The following LYZL4 variants were observed in gnomAD, a reference collection of about 807,000 sequenced individuals.
LYZL4 encodes lysozyme like 4.
Under a neutral mutation model 17.6 loss-of-function variants are expected in LYZL4, and 13 were observed. That is an observed-to-expected ratio of 0.74 (90% CI 0.48 to 1.18). The LOEUF is 1.18. Ranked by LOEUF, LYZL4 falls within the 50% of genes most tolerant of loss-of-function variation. The pLI is 0.00. For missense variants in LYZL4, 174 were observed against 188.2 expected (o/e 0.92, Z 0.44); for synonymous variants, 64 against 67.7 (o/e 0.95, Z 0.27).
At chr3:42,389,472 A>G in the LYZL4 span, among the ~76,000 whole-genome samples, 1 of 152,324 alleles carries the variant, frequency 6.6e-6, no homozygotes, top group East Asian at 1.9e-4. Flanking sequence ...TTGCTCCTGT[A>G]GCTCTTCTGT....
At chr3:42,380,968 T>C in the LYZL4 span, among the ~76,000 whole-genome samples, 3 of 152,266 alleles carry the variant, frequency 2.0e-5, no homozygotes, top group African/African-American at 7.2e-5. Context: ...GTTGTGTGGT[T>C]GGGTTTGCCT....
At chr3:42,396,004 G>A (rs1033474951), downstream of LYZL4, among the ~76,000 whole-genome samples, 1 of 152,166 alleles carries the variant, frequency 6.6e-6, no homozygotes, top group Non-Finnish European at 1.5e-5. Context: ...GGAGGCTGCA[G>A]TGAGCCGAGA....
the LYZL4 span, among the ~76,000 whole-genome samples, chr3:42,364,420 G>T: frequency 1.4e-5 from 2 of 139,780 alleles, no homozygotes; most frequent in Non-Finnish European, 3.0e-5. Flanking sequence ...TTGGCTCACT[G>T]CAACCTCTGC....
Position 42,409,179 on chromosome 3 carries a change from A to G in LYZL4, c.-93+1238T>C, listed in dbSNP as rs117593887. On this transcript the variant is annotated intron_variant, in intron 1 of 4. Coordinates refer to ENST00000287748, the MANE Select transcript of LYZL4 (RefSeq NM_144634.4). ...TCAGTGATCCCAGCAGTAATCTTAG[A>G]CAAATTGCTCAACCTCTTGATTCCT... is the stretch of plus-strand genomic sequence containing the variant. 5.8e-3 allele frequency among the ~76,000 whole-genome samples: 891 copies of G among 152,324 alleles called. 24 individuals are homozygous for G. Among genetic ancestry groups the G allele is most frequent in the East Asian group, 0.054 (280 of 5,172 alleles).
chr3:42,375,711 G>A, the LYZL4 span, among the ~76,000 whole-genome samples: 1 of 152,288 alleles, frequency 6.6e-6, no homozygotes, highest in African/African-American at 2.4e-5. Context: ...GAACAAGAAA[G>A]CATGAGGAAT....
chr3:42,391,641 A>C, the LYZL4 span, among the ~76,000 whole-genome samples: 9 of 152,202 alleles, frequency 5.9e-5, no homozygotes, highest in Non-Finnish European at 1.3e-4. Context: ...TAATACAGAG[A>C]AGAGAGGAAA....
At chr3:42,386,395 G>GCCGCC in the LYZL4 span, among the ~76,000 whole-genome samples, 1 of 107,462 alleles carries the variant, frequency 9.3e-6, no homozygotes, top group Admixed American at 9.8e-5. Flanking sequence ...GAGCCACCAC[G>GCCGCC]CCCCCCCCCC....
intron 3 of LYZL4, among the ~76,000 whole-genome samples, chr3:42,405,767 A>T (rs1210151473): frequency 6.6e-6 from 1 of 152,120 alleles, no homozygotes; most frequent in Non-Finnish European, 1.5e-5. Context: ...TTTCCCTCCC[A>T]GCTCTACCAC....
At chr3:42,378,211 C>G in the LYZL4 span, among the ~76,000 whole-genome samples, 1 of 152,174 alleles carries the variant, frequency 6.6e-6, no homozygotes, top group Non-Finnish European at 1.5e-5. Flanking sequence ...CCCATCTCCC[C>G]TAGTTTCTCC....
At chr3:42,390,394 TCAA>T in the LYZL4 span, among the ~76,000 whole-genome samples, 1 of 152,188 alleles carries the variant, frequency 6.6e-6, no homozygotes, top group African/African-American at 2.4e-5. Flanking sequence ...TTGCATGTTC[TCAA>T]CAACAACGAT....
chr3:42,394,580 A>C (rs959791039), downstream of LYZL4, among the ~76,000 whole-genome samples: 1 of 152,226 alleles, frequency 6.6e-6, no homozygotes, highest in South Asian at 2.1e-4. Context: ...TGGTAACAGA[A>C]GTAATAATAA....
the LYZL4 span, among the ~76,000 whole-genome samples, chr3:42,364,620 CAGGCATG>C: frequency 1.3e-5 from 2 of 152,106 alleles, no homozygotes; most frequent in Non-Finnish European, 2.9e-5. Context: ...GCTGGGATTA[CAGGCATG>C]AGCCACTGTG....
intron 3 of LYZL4, among the ~76,000 whole-genome samples, chr3:42,405,586 A>G (rs72859471): frequency 0.018 from 2,696 of 152,264 alleles, 89 homozygotes; most frequent in African/African-American, 0.062. Flanking sequence ...GACCCAGCTC[A>G]GAAGCCACAG....
chr3:42,362,795 C>G, the LYZL4 span, among the ~76,000 whole-genome samples: 3 of 152,192 alleles, frequency 2.0e-5, no homozygotes, highest in Non-Finnish European at 4.4e-5. Flanking sequence ...GAATACATAT[C>G]TACACTGCCA....
chr3:42,369,774 T>A, the LYZL4 span, among the ~76,000 whole-genome samples: 1 of 152,160 alleles, frequency 6.6e-6, no homozygotes, highest in Non-Finnish European at 1.5e-5. Flanking sequence ...CCCTGCATGA[T>A]CTGATCTCTT....
chr3:42,408,073 A>C (rs1577158832), intron 1 of LYZL4, among the ~76,000 whole-genome samples: 2 of 152,044 alleles, frequency 1.3e-5, no homozygotes, highest in East Asian at 1.9e-4. Flanking sequence ...ATCTAAACCC[A>C]CCACCTCCTC....
intron 4 of LYZL4, among the ~76,000 whole-genome samples, chr3:42,399,887 A>G (rs1007153325): frequency 1.3e-5 from 2 of 151,402 alleles, no homozygotes; most frequent in Non-Finnish European, 2.9e-5. Context: ...TCTCTGATTG[A>G]ATTTTTTAGG....
At chr3:42,388,764 G>A in the LYZL4 span, among the ~76,000 whole-genome samples, 1 of 152,252 alleles carries the variant, frequency 6.6e-6, no homozygotes, top group Non-Finnish European at 1.5e-5. Context: ...AATCAGTCCT[G>A]CTGAGGCTGT....
In LYZL4 at chr3:42,407,123, G is replaced by C. The variant is rs751617109; in HGVS notation, c.129C>G (p.Ser43Arg). Reference sequence around the variant, plus strand: ...GTGGGGCCTACTCACAGTTCTCAAGGCTATAGCCCTCAAAATAATCCAGGC... The same window carrying C: ...GTGGGGCCTACTCACAGTTCTCAAGCCTATAGCCCTCAAAATAATCCAGGC... ...DGGLDYFEGY[S>R]LENWVCLAYF... The change falls in exon 2 of 5, where the codon AGC becomes AGG. Residue 43 changes from serine to arginine, a missense_variant. Ser to Arg is a moderately radical substitution (Grantham distance 110, BLOSUM62 -1). Transcript: ENST00000287748. The C allele has an allele frequency of 6.8e-6, 11 of 1,614,064 alleles. No homozygotes were observed. In the Admixed American group the frequency reaches 1.7e-4, roughly 24 times the overall value.
Sources: allele counts gnomAD v4.1 joint callset (sites outside exome capture counted in the v4.1 genomes callset), GRCh38; gene constraint gnomAD v4.1.1; transcripts MANE v1.5; gene names NCBI Gene and HGNC (gene_info 2026-07-23, HGNC 2026-07-21).